Variants in PIP5K1A observed in about 807,000 individuals in gnomAD.
PIP5K1A encodes the protein phosphatidylinositol-4-phosphate 5-kinase type 1 alpha, also known as phosphatidylinositol 4-phosphate 5-kinase type-1 alpha.
In PIP5K1A, 46 loss-of-function variants were observed where a neutral mutation model predicts 72.9. That is an observed-to-expected ratio of 0.63 (90% confidence interval 0.50 to 0.81). The LOEUF is 0.81. Ranked by LOEUF, PIP5K1A falls within the 30% of genes least tolerant of loss-of-function variation. The pLI is 0.00. For synonymous variants in PIP5K1A, 228 were observed against 255.1 expected, an observed-to-expected ratio of 0.89 and a Z score of 1.01; for missense variants, 458 against 706.1, an observed-to-expected ratio of 0.65 and a Z score of 3.98.
intron 4 of PIP5K1A, among the ~76,000 whole-genome samples, chr1:151,229,310 C>G (rs762840386): frequency 1.3e-5 from 2 of 151,660 alleles, no homozygotes; most frequent in Non-Finnish European, 2.9e-5. Context: ...ACCTCAGCCT[C>G]CAAAGTAACT....
At position 151,228,939 on chromosome 1, in the gene PIP5K1A, G is replaced by C. The variant is rs60565274; in HGVS notation, c.237+1539G>C. On this transcript the variant is annotated intron_variant, in intron 4 of 15. Coordinates refer to ENST00000368888, the MANE Select transcript of PIP5K1A (RefSeq NM_001135638.2). ...GATCTTGCATTTGGGAAGCTGAGGCGGGTGGATCACCTGAGGTCAGGAGTC... is the reference window on the plus strand; with the variant it reads ...GATCTTGCATTTGGGAAGCTGAGGCCGGTGGATCACCTGAGGTCAGGAGTC... Among the ~76,000 whole-genome samples the C allele has an allele frequency of 4.6e-4, 69 of 151,232 alleles. 1 individual carries two copies. The highest frequency in any genetic ancestry group is 1.6e-3 in the African/African-American group (64 of 41,194).
chr1:151,227,801 G>A (rs1465769175), intron 4 of PIP5K1A, among the ~76,000 whole-genome samples: 4 of 152,112 alleles, frequency 2.6e-5, no homozygotes, highest in Admixed American at 2.0e-4. Flanking sequence ...CACGAGAATC[G>A]CTTGAACCTG....
chr1:151,239,919 G>GACT, intron 11 of PIP5K1A, 36 bp from the exon 12 acceptor site: 2 of 855,544 alleles, frequency 2.3e-6, no homozygotes, highest in Non-Finnish European at 3.6e-6. Context: ...CTCTTGCCGG[G>GACT]CCTCCTAACT....
At chr1:151,244,706 A>T (rs1023173063) in intron 14 of PIP5K1A, among the ~76,000 whole-genome samples, 3 of 152,170 alleles carry the variant, frequency 2.0e-5, no homozygotes, top group African/African-American at 7.2e-5. Context: ...TGTGAGTTAT[A>T]TGCAAATACC....
At chr1:151,211,496 A>C (rs895786718) in intron 1 of PIP5K1A, among the ~76,000 whole-genome samples, 4 of 150,800 alleles carry the variant, frequency 2.7e-5, no homozygotes, top group Non-Finnish European at 5.9e-5. Flanking sequence ...AGACCAAAAA[A>C]CTTAAAAGAT....
intron 1 of PIP5K1A, among the ~76,000 whole-genome samples, chr1:151,219,645 G>A (rs1000510774): frequency 6.6e-5 from 10 of 152,044 alleles, no homozygotes; most frequent in Non-Finnish European, 4.4e-5. Context: ...GGTGATCCGA[G>A]ATTGTACCAT....
chr1:151,203,064 C>T (rs1008745402), intron 1 of PIP5K1A, among the ~76,000 whole-genome samples: 3 of 152,128 alleles, frequency 2.0e-5, no homozygotes, highest in African/African-American at 7.2e-5. Flanking sequence ...TAGCCGCCGC[C>T]GCTGGCCTTA....
At position 151,241,800 on chromosome 1, in the gene PIP5K1A, CAA is replaced by C. The variant is rs201895156; in HGVS notation, c.1364-307_1364-306del. Among the ~76,000 whole-genome samples, 216 of 60,108 alleles carry C rather than the reference CAA, an allele frequency of 3.6e-3. 1 individual carries two copies. The highest frequency in any genetic ancestry group is 0.01 in the African/African-American group (172 of 16,960). 39.4% of individuals were successfully genotyped at this position (60,108 alleles called of 152,430 possible). ...GGGCAACAAGAGCGAAACTCCATCT[CAA>C]AAAAAAAAAAAAAAAGGAATTATGC... On this transcript the variant is annotated intron_variant, in intron 12 of 15. Transcript: ENST00000368888.
chr1:151,239,708 A>G (rs1691413021), intron 11 of PIP5K1A, among the ~76,000 whole-genome samples: 1 of 152,106 alleles, frequency 6.6e-6, no homozygotes, highest in African/African-American at 2.4e-5. Flanking sequence ...TTGTATTTTT[A>G]GTAGAGATGA....
upstream of PIP5K1A, among the ~76,000 whole-genome samples, chr1:151,198,280 G>A (rs1260309847): frequency 1.3e-5 from 2 of 152,112 alleles, no homozygotes; most frequent in Non-Finnish European, 2.9e-5. Context: ...TCCTGGGTTA[G>A]GAATTTCAGA....
chr1:151,227,427 T>G (rs779227632), intron 4 of PIP5K1A, 27 bp downstream of exon 4: 12 of 1,474,650 alleles, frequency 8.1e-6, no homozygotes, highest in Non-Finnish European at 1.1e-5. Context: ...CCGTCTCATC[T>G]TACTCCAGGA....
chr1:151,213,895 T>C (rs982580329), intron 1 of PIP5K1A, among the ~76,000 whole-genome samples: 2 of 152,082 alleles, frequency 1.3e-5, no homozygotes, highest in African/African-American at 4.8e-5. Context: ...TTTATATAGG[T>C]AAGGAAAAAT....
chr1:151,241,439 G>T (rs1691682988), intron 12 of PIP5K1A, among the ~76,000 whole-genome samples: 2 of 150,932 alleles, frequency 1.3e-5, no homozygotes, highest in African/African-American at 4.8e-5. Flanking sequence ...GGGAGGCGGA[G>T]CTTGCAGTGA....
chr1:151,212,582 C>CT (rs71580364), intron 1 of PIP5K1A, among the ~76,000 whole-genome samples: 28,556 of 148,406 alleles, frequency 0.19, 2,851 homozygotes, highest in Admixed American at 0.23. Context: ...TCGACTTTGC[C>CT]TTTTTTTTTT....
chr1:151,218,611 G>T (rs891678308), intron 1 of PIP5K1A, among the ~76,000 whole-genome samples: 1 of 151,616 alleles, frequency 6.6e-6, no homozygotes, highest in East Asian at 2.0e-4. Context: ...CCAAGGCAGT[G>T]GATCACAAGA....
At chr1:151,210,922 A>G (rs1165230766) in intron 1 of PIP5K1A, among the ~76,000 whole-genome samples, 1 of 152,152 alleles carries the variant, frequency 6.6e-6, no homozygotes, top group Non-Finnish European at 1.5e-5. Context: ...TTGGTAGGCA[A>G]TTAAATTGGA....
intron 1 of PIP5K1A, among the ~76,000 whole-genome samples, chr1:151,202,647 T>C (rs1034037526): frequency 6.6e-6 from 1 of 151,758 alleles, no homozygotes; most frequent in African/African-American, 2.4e-5. Flanking sequence ...TTTTTGTATT[T>C]TAGTAGAGAC....
intron 1 of PIP5K1A, among the ~76,000 whole-genome samples, chr1:151,212,913 C>G (rs1468864765): frequency 7.9e-6 from 1 of 126,002 alleles, no homozygotes; most frequent in Non-Finnish European, 1.6e-5. Flanking sequence ...TTTTTTGAGA[C>G]AGAGTCTCGC....
chr1:151,240,998 C>G (rs1327341400), intron 12 of PIP5K1A, among the ~76,000 whole-genome samples: 1 of 151,976 alleles, frequency 6.6e-6, no homozygotes, highest in Non-Finnish European at 1.5e-5. Flanking sequence ...AACCCTGTCT[C>G]TACTAAAAAT....
Sources: allele counts gnomAD v4.1 joint callset (sites outside exome capture counted in the v4.1 genomes callset), GRCh38; gene constraint gnomAD v4.1.1; transcripts MANE v1.5; gene names NCBI Gene and HGNC (gene_info 2026-07-23, HGNC 2026-07-21).